Variants in CHD2 observed in about 807,000 individuals in gnomAD.
CHD2 encodes the protein chromodomain helicase DNA binding protein 2, also known as ATP-dependent chromatin remodeler CHD2.
In CHD2, 28 loss-of-function variants were observed where a neutral mutation model predicts 243.9. The observed-to-expected ratio is 0.11, with a 90% CI of 0.09 to 0.16. The LOEUF is 0.16. CHD2 is among the 10% of genes least tolerant of loss of function. The pLI is 1.00. For missense variants in CHD2, 1,386 were observed against 2,209.8 expected, an observed-to-expected ratio of 0.63 and a Z score of 7.47; for synonymous variants, 775 against 779.0, an observed-to-expected ratio of 0.99 and a Z score of 0.09.
intron 2 of CHD2, 69 bp from the exon 3 acceptor site, chr15:92,924,252 A>T (rs1396989952): frequency 3.6e-6 from 5 of 1,383,294 alleles, no homozygotes; most frequent in Non-Finnish European, 5.0e-6. Context: ...TACCATGAGA[A>T]TTTTTTTTTA....
Position 92,985,581 on chromosome 15 carries a change from C to T in CHD2, c.3321C>T (p.Asp1107=), listed in dbSNP as rs141018126. ...CTGCTTCTGAGAGTGAAACGGAAGA[C>T]TCTGATGATGACAAGAAGCCAAAGC... ...RSSASESETE[D]SDDDKKPKRR... Residue 1107 remains aspartate, a synonymous_variant, in exon 26 of 39, where the codon GAC becomes GAT. Transcript: ENST00000394196. 704 of 1,614,100 alleles carry T rather than the reference C, an allele frequency of 4.4e-4. 4 individuals carry two copies. In the African/African-American group the frequency reaches 8.7e-3, roughly 20 times the overall value.
intron 4 of CHD2, among the ~76,000 whole-genome samples, chr15:92,928,488 A>T (rs1280454439): frequency 8.4e-6 from 1 of 119,024 alleles, no homozygotes; most frequent in Non-Finnish European, 1.9e-5. Context: ...CTCATGAGTG[A>T]ACATACTCTT....
At chr15:92,907,729 G>C (rs907822050) in intron 2 of CHD2, among the ~76,000 whole-genome samples, 1 of 152,170 alleles carries the variant, frequency 6.6e-6, no homozygotes, top group Non-Finnish European at 1.5e-5. Flanking sequence ...GCTTAGCAAA[G>C]AGCCCATCAC....
At position 92,915,890 on chromosome 15, in the gene CHD2, C is replaced by A. The variant is rs569460893; in HGVS notation, c.63-8431C>A. On this transcript the variant is annotated intron_variant, in intron 2 of 38. Coordinates refer to ENST00000394196, the MANE Select transcript of CHD2 (RefSeq NM_001271.4). ...CTAACAATTTGCCCACAGGGAAATT[C>A]CTTGTGGACAAAGAACTCAAAGCCA... Among the ~76,000 whole-genome samples the A allele has an allele frequency of 2.0e-5, 3 of 152,200 alleles. No homozygotes were observed. The East Asian group carries it at 5.8e-4, about 29-fold the overall frequency.
intron 2 of CHD2, among the ~76,000 whole-genome samples, chr15:92,913,083 A>G (rs570762354): frequency 1.3e-5 from 2 of 152,334 alleles, no homozygotes; most frequent in East Asian, 1.9e-4. Context: ...TGCTTGTTCA[A>G]CATATTCCCA....
rs150661169 is a variant in CHD2 at position 92,943,477 on chromosome 15, G to A, written c.1052+409G>A. 1,636 of 197,544 alleles carry A rather than the reference G, an allele frequency of 8.3e-3. 79 individuals carry two copies. Among genetic ancestry groups the A allele is most frequent in the Admixed American group, 0.077 (1,442 of 18,762 alleles). The allele number at this position is 197,544 out of a possible 1,614,324, so 12.2% of individuals were successfully genotyped here. ...GTTATTTTCCTGTAGTTAGGCTGGG[G>A]TGGCTTAGATGTAGAGAGTTAATAT... is the stretch of plus-strand genomic sequence containing the variant. On this transcript the variant is annotated intron_variant, in intron 9 of 38. Coordinates refer to ENST00000394196, the MANE Select transcript of CHD2 (RefSeq NM_001271.4).
chr15:92,911,267 A>C (rs928796556), intron 2 of CHD2, among the ~76,000 whole-genome samples: 2 of 152,146 alleles, frequency 1.3e-5, no homozygotes, highest in South Asian at 4.1e-4. Flanking sequence ...ATTGCTTTGT[A>C]TGTGTTAGTT....
intron 27 of CHD2, 103 bp from the exon 28 acceptor site, chr15:92,992,756 T>A: frequency 6.9e-7 from 1 of 1,439,238 alleles, no homozygotes; most frequent in Non-Finnish European, 9.4e-7. Flanking sequence ...CAAAGAAAAG[T>A]GTCTTTGCAG....
chr15:92,916,863 A>AT (rs2052847852), intron 2 of CHD2, among the ~76,000 whole-genome samples: 1 of 152,210 alleles, frequency 6.6e-6, no homozygotes. Flanking sequence ...ATTCGTATAC[A>AT]TTTTAAGGGT....
intron 8 of CHD2, 63 bp downstream of exon 8, chr15:92,942,018 A>AT: frequency 6.7e-7 from 1 of 1,484,814 alleles, no homozygotes; most frequent in South Asian, 1.2e-5. Context: ...GATTTTAGGT[A>AT]TTTTAACTCT....
rs369142709 is a variant in CHD2 at position 92,998,630 on chromosome 15, G to C, written c.4008+9G>C. 4 of 1,609,704 alleles carry C rather than the reference G, an allele frequency of 2.5e-6. No individual in the cohort carries two copies. The highest frequency in any genetic ancestry group is 3.4e-6 in the Non-Finnish European group (4 of 1,178,092). On this transcript the variant is annotated intron_variant, in intron 31 of 38. Coordinates refer to ENST00000394196, the MANE Select transcript of CHD2 (RefSeq NM_001271.4). This position sits in a 1 kb window ranked among gnomAD's most constrained non-coding sequence, Gnocchi z 5.1. Reference sequence around the variant, plus strand: ...TGACAGGTGGGGAAGAGGTGAGTACGCTGCCAGCTGGTTGTTTTTCAGGGG... The same window carrying C: ...TGACAGGTGGGGAAGAGGTGAGTACCCTGCCAGCTGGTTGTTTTTCAGGGG...
intron 17 of CHD2, among the ~76,000 whole-genome samples, chr15:92,970,452 CG>C (rs2053826506): frequency 1.3e-5 from 2 of 152,154 alleles, no homozygotes; most frequent in African/African-American, 4.8e-5. Flanking sequence ...CTGCCCCCTT[CG>C]GCCTCCCAAA....
intron 16 of CHD2, among the ~76,000 whole-genome samples, chr15:92,957,608 A>G (rs552371210): frequency 1.3e-5 from 2 of 151,956 alleles, no homozygotes; most frequent in Admixed American, 1.3e-4. Flanking sequence ...ACAGTAAACA[A>G]TTCAGTTAAT....
At chr15:92,936,484 A>G (rs1032500628) in intron 5 of CHD2, among the ~76,000 whole-genome samples, 3 of 152,112 alleles carry the variant, frequency 2.0e-5, no homozygotes, top group Non-Finnish European at 4.4e-5. Flanking sequence ...TCCCTGCAAT[A>G]TCTTGTTGGA....
At chr15:92,928,299 C>G (rs2053101397) in intron 4 of CHD2, among the ~76,000 whole-genome samples, 2 of 152,188 alleles carry the variant, frequency 1.3e-5, no homozygotes, top group Admixed American at 1.3e-4. Flanking sequence ...AAACCAATCA[C>G]ATAGTTGTAG....
chr15:92,931,863 CTTTTT>C (rs34215273), intron 5 of CHD2, among the ~76,000 whole-genome samples: 1 of 134,488 alleles, frequency 7.4e-6, no homozygotes, highest in African/African-American at 2.8e-5. Context: ...TGCTGACGTA[CTTTTT>C]TTTTTTTTTT....
intron 17 of CHD2, among the ~76,000 whole-genome samples, chr15:92,970,031 G>GATTT (rs1033794222): frequency 6.6e-6 from 1 of 151,854 alleles, no homozygotes; most frequent in African/African-American, 2.4e-5. Context: ...TGGTTACATA[G>GATTT]ATTTATTTAT....
chr15:92,927,135 A>G, intron 3 of CHD2, 109 bp from the exon 4 acceptor site: 1 of 790,962 alleles, frequency 1.3e-6, no homozygotes, highest in African/African-American at 1.7e-5. Flanking sequence ...CTAGCAAAAC[A>G]ACCCTTTTGA....
chr15:93,001,203 A>G (rs2054251254), intron 32 of CHD2, among the ~76,000 whole-genome samples: 1 of 152,144 alleles, frequency 6.6e-6, no homozygotes, highest in African/African-American at 2.4e-5. Flanking sequence ...ATTGACACGT[A>G]GCCTCATTCT....
Sources: gnomAD v4.1 joint callset for allele counts (sites outside exome capture counted in the v4.1 genomes callset) on GRCh38, gnomAD v4.1.1 for gene constraint, Gnocchi (gnomAD v3.1) non-coding constraint, MANE v1.5 for transcripts, NCBI Gene and HGNC (gene_info 2026-07-23, HGNC 2026-07-21) for gene names.